USP49: variants seen among roughly 807,000 people sequenced by gnomAD.
USP49 encodes ubiquitin specific peptidase 49, also known as ubiquitin carboxyl-terminal hydrolase 49.
Under a neutral mutation model 58.6 loss-of-function variants are expected in USP49, and 24 were observed. The ratio of observed to expected loss-of-function variants is 0.41; its 90% CI spans 0.30 to 0.58. The LOEUF (loss-of-function observed/expected upper bound fraction) is 0.58, where lower values mean the gene tolerates loss of function less well. Among genes scored for constraint, USP49 ranks in the 20% least tolerant of loss-of-function variants. USP49 has a pLI of 0.30. For synonymous variants in USP49, 408 were observed against 365.1 expected, an observed-to-expected ratio of 1.12 and a Z score of -1.34; for missense variants, 703 against 866.1, an observed-to-expected ratio of 0.81 and a Z score of 2.36.
intron 3 of USP49, among the ~76,000 whole-genome samples, chr6:41,866,764 TG>T (rs147154493): frequency 0.055 from 8,346 of 152,278 alleles, 403 homozygotes; most frequent in Admixed American, 0.12. Flanking sequence ...ATGTAGCCTC[TG>T]GAAGACTTCA....
chr6:41,843,315 T>C (rs745651483), intron 3 of USP49, among the ~76,000 whole-genome samples: 2 of 152,252 alleles, frequency 1.3e-5, no homozygotes, highest in African/African-American at 4.8e-5. Flanking sequence ...ATAAATTAAA[T>C]TATATACTTT....
At chr6:41,813,461 A>G (rs1405137590) in intron 3 of USP49, among the ~76,000 whole-genome samples, 1 of 152,238 alleles carries the variant, frequency 6.6e-6, no homozygotes, top group Non-Finnish European at 1.5e-5. Flanking sequence ...TCTGCTAAAA[A>G]AAAATATGCT....
chr6:41,857,852 T>C (rs6901756), intron 3 of USP49, among the ~76,000 whole-genome samples: 15,431 of 152,222 alleles, frequency 0.1, 884 homozygotes, highest in Non-Finnish European at 0.12. Context: ...AGTTCATCAG[T>C]AAGTGAGGAT....
chr6:41,834,905 C>T (rs1160786549), intron 3 of USP49, among the ~76,000 whole-genome samples: 1 of 152,122 alleles, frequency 6.6e-6, no homozygotes, highest in Non-Finnish European at 1.5e-5. Context: ...AGTCAAGGTT[C>T]CAGCTCAGTA....
rs1186521851 is a variant in USP49 at position 41,802,456 on chromosome 6, A to ATTTTTTTTTTTTTTTTTT, written c.1561+1349_1561+1350insAAAAAAAAAAAAAAAAAA. On this transcript the variant is annotated intron_variant, in intron 5 of 7. Transcript: ENST00000682992. ...TATTTATTTATTTATTTATTTATTT[A>ATTTTTTTTTTTTTTTTTT]TTTATTTATTTATTTTTTATTTATT... Among the ~76,000 whole-genome samples the ATTTTTTTTTTTTTTTTTT allele has an allele frequency of 7.1e-5, 5 of 70,280 alleles. 1 individual carries two copies. Among genetic ancestry groups the ATTTTTTTTTTTTTTTTTT allele is most frequent in the Admixed American group, 1.7e-4 (1 of 5,766 alleles). 46.1% of individuals were successfully genotyped at this position (70,280 alleles called of 152,430 possible).
chr6:41,811,178 C>T (rs147461935), intron 3 of USP49, among the ~76,000 whole-genome samples: 109 of 152,268 alleles, frequency 7.2e-4, no homozygotes, highest in African/African-American at 2.6e-3. Context: ...ACCTAGACTA[C>T]TCTCAATCAA....
Position 41,796,449 on chromosome 6 carries a change from T to C in USP49, c.*84A>G. The stretch of plus-strand genomic sequence containing the variant: ...CAGCAAGGCAAACCTAGTAATCTGT[T>C]CCTGCAGTAGCCTTATTTCCTATAA... On this transcript the variant is annotated 3_prime_UTR_variant, in exon 8 of 8. Coordinates refer to ENST00000682992, the MANE Select transcript of USP49 (RefSeq NM_001286554.2). 2 of 657,254 alleles carry C rather than the reference T, an allele frequency of 3.0e-6. No homozygotes were observed. The highest frequency in any genetic ancestry group is 2.8e-6 in the Non-Finnish European group (1 of 355,932). The allele number at this position is 657,254 out of a possible 1,614,324, so 40.7% of individuals were successfully genotyped here. A position where few individuals can be genotyped will look rare whatever the true frequency, so the allele number is the denominator to read the frequency against.
At chr6:41,856,034 T>TGAGA (rs936546168) in intron 3 of USP49, among the ~76,000 whole-genome samples, 1 of 139,146 alleles carries the variant, frequency 7.2e-6, no homozygotes, top group African/African-American at 2.7e-5. Context: ...GGCGACAGAG[T>TGAGA]GAGACTCCAT....
At chr6:41,855,243 G>A (rs1171708234) in intron 3 of USP49, among the ~76,000 whole-genome samples, 1 of 150,998 alleles carries the variant, frequency 6.6e-6, no homozygotes, top group Non-Finnish European at 1.5e-5. Context: ...GGCCAGGCAC[G>A]GTGGCTCACG....
chr6:41,866,303 T>C (rs1774318721), intron 3 of USP49, among the ~76,000 whole-genome samples: 2 of 151,912 alleles, frequency 1.3e-5, no homozygotes. Flanking sequence ...GACACACCAG[T>C]GCTATCAACT....
rs867145280 is a variant in USP49 at position 41,807,240 on chromosome 6, C to T, written c.-28-229G>A. 1.3e-5 allele frequency among the ~76,000 whole-genome samples: 2 copies of T among 152,026 alleles called. 1 individual carries two copies. The highest frequency in any genetic ancestry group is 4.1e-4 in the South Asian group (2 of 4,822). ...AATTACTTAAAAAGGAAGACTCTTACGGAAGGGTTAGCACAAATTTGAAAC... is the reference window on the plus strand; with the variant it reads ...AATTACTTAAAAAGGAAGACTCTTATGGAAGGGTTAGCACAAATTTGAAAC... On this transcript the variant is annotated intron_variant, in intron 3 of 7. Transcript: ENST00000682992.
chr6:41,803,879 G>A lies in USP49; in HGVS notation c.1488C>T (p.Leu496=), dbSNP rs111840102. 3 of 1,614,040 alleles carry A rather than the reference G, an allele frequency of 1.9e-6. No individual in the cohort carries two copies. The highest frequency in any genetic ancestry group is 2.2e-5 in the South Asian group (2 of 91,080). Residue 496 remains leucine, a synonymous_variant, in exon 5 of 8, where the codon CTC becomes CTT. Transcript: ENST00000682992. The surrounding 1 kb of genome is among the most constrained non-coding windows in gnomAD (Gnocchi z 4.1). ...CTGTGAATTTGGCCAGCATCTCAGT[G>A]AGCAAGCACTCTGTTTGATTCAAAG... ...FVPLNQTECL[L]TEMLAKFTET...
chr6:41,858,441 C>A (rs149324191), intron 3 of USP49, among the ~76,000 whole-genome samples: 1 of 152,190 alleles, frequency 6.6e-6, no homozygotes, highest in Non-Finnish European at 1.5e-5. Context: ...CCCATCAATT[C>A]CCAAATCCTA....
rs931766837 is a variant in USP49 at position 41,795,738 on chromosome 6, A to G, written c.*795T>C. 4.6e-5 allele frequency: 7 copies of G among 152,254 alleles called. No homozygotes were observed. The highest frequency in any genetic ancestry group is 1.7e-4 in the African/African-American group (7 of 41,468). 9.4% of individuals were successfully genotyped at this position (152,254 alleles called of 1,614,324 possible). A position where few individuals can be genotyped will look rare whatever the true frequency, so the allele number is the denominator to read the frequency against. The stretch of plus-strand genomic sequence containing the variant: ...CATGTGCTTGCCCTAGACCTGAACC[A>G]GGGATCTGCTACAGAACTGAGATAG... On this transcript the variant is annotated 3_prime_UTR_variant, in exon 8 of 8. Transcript: ENST00000682992.
intron 2 of USP49, among the ~76,000 whole-genome samples, chr6:41,884,601 AC>A (rs1195668205): frequency 6.6e-6 from 1 of 152,210 alleles, no homozygotes. Flanking sequence ...GCCTTTGTAC[AC>A]CAAAGCTATA....
intron 3 of USP49, among the ~76,000 whole-genome samples, chr6:41,857,474 A>C (rs540276933): frequency 5.9e-5 from 9 of 152,090 alleles, no homozygotes; most frequent in Non-Finnish European, 1.2e-4. Context: ...GCAAAATCCT[A>C]TCTCTACAAA....
intron 3 of USP49, among the ~76,000 whole-genome samples, chr6:41,856,389 A>G (rs1750812120): frequency 6.6e-6 from 1 of 151,930 alleles, no homozygotes; most frequent in South Asian, 2.1e-4. Context: ...AAAAAAAAAA[A>G]CTTGTAATAT....
rs1772769335 is a variant in USP49 at position 41,790,084 on chromosome 6, ACATT to A, written c.*6445_*6448del. On this transcript the variant is annotated 3_prime_UTR_variant, in exon 8 of 8. Coordinates refer to ENST00000682992, the MANE Select transcript of USP49 (RefSeq NM_001286554.2). ...AAAAAAAAAAGGAAGCTGTAACCATACATTGATGTTAACCTAGCATGAAGTTTAT... is the reference window on the plus strand; with the variant it reads ...AAAAAAAAAAGGAAGCTGTAACCATAGATGTTAACCTAGCATGAAGTTTAT... The A allele has an allele frequency of 6.6e-6, 1 of 152,124 alleles. No individual in the cohort carries two copies. The highest frequency in any genetic ancestry group is 6.5e-5 in the Admixed American group (1 of 15,276). The allele number at this position is 152,124 out of a possible 1,614,324, so 9.4% of individuals were successfully genotyped here.
intron 2 of USP49, 21 bp from the exon 3 acceptor site, chr6:41,871,658 G>A (rs1774414122): frequency 1.3e-5 from 2 of 152,038 alleles, no homozygotes; most frequent in Admixed American, 6.6e-5. Context: ...GAAACAATCT[G>A]TAAGATTGGG....
Sources: allele counts gnomAD v4.1 joint callset (sites outside exome capture counted in the v4.1 genomes callset), GRCh38; gene constraint gnomAD v4.1.1; non-coding constraint Gnocchi (gnomAD v3.1); transcripts MANE v1.5; gene names NCBI Gene and HGNC (gene_info 2026-07-23, HGNC 2026-07-21).